TICRR: variants seen among roughly 807,000 people sequenced by gnomAD.
The protein encoded by TICRR is TOPBP1 interacting checkpoint and replication regulator.
A neutral mutation model predicts 178.1 loss-of-function variants in TICRR; 132 were observed. The ratio of observed to expected loss-of-function variants is 0.74; its 90% CI spans 0.64 to 0.86. The LOEUF (loss-of-function observed/expected upper bound fraction) is 0.86, where lower values mean the gene tolerates loss of function less well. Among genes scored for constraint, TICRR ranks in the 40% least tolerant of loss-of-function variants. The probability of loss-of-function intolerance (pLI) is 0.00; values close to 1 mark genes in which losing one functional copy is unlikely to be tolerated. For synonymous variants in TICRR, 991 were observed against 900.7 expected, an observed-to-expected ratio of 1.10 and a Z score of -1.79; for missense variants, 2,587 against 2,334.3, an observed-to-expected ratio of 1.11 and a Z score of -2.23.
intron 18 of TICRR, among the ~76,000 whole-genome samples, chr15:89,621,151 C>G (rs548842381): frequency 1.3e-5 from 2 of 152,134 alleles, no homozygotes; most frequent in African/African-American, 4.8e-5. Flanking sequence ...TCCTGAGTAG[C>G]TGGGATTACA....
intron 4 of TICRR, 97 bp from the exon 5 acceptor site, chr15:89,591,950 G>A: frequency 9.4e-7 from 1 of 1,065,806 alleles, no homozygotes; most frequent in Admixed American, 2.5e-5. Context: ...TCCTTTGGAG[G>A]GATGCAGTCA....
At chr15:89,626,631 A>G (rs1164540121) in intron 21 of TICRR, among the ~76,000 whole-genome samples, 1 of 152,178 alleles carries the variant, frequency 6.6e-6, no homozygotes, top group African/African-American at 2.4e-5. Flanking sequence ...AGTTCCCTCA[A>G]GACCATGATA....
Position 89,624,460 on chromosome 15 carries a change from C to T in TICRR, c.4150C>T (p.Arg1384Trp), listed in dbSNP as rs750897187. 3.5e-5 allele frequency: 57 copies of T among 1,614,016 alleles called. No homozygotes were observed. The highest frequency in any genetic ancestry group is 1.9e-4 in the South Asian group (17 of 91,080). ...PPPPPSKVGK[R>W]CRKTSDPRRS... is the part of the protein sequence containing the mutation. Reference sequence around the variant, plus strand: ...TCCACCCCCTTCTAAAGTTGGGAAACGGTGTAGAAAGACCTCTGATCCCAG... The same window carrying T: ...TCCACCCCCTTCTAAAGTTGGGAAATGGTGTAGAAAGACCTCTGATCCCAG... The change falls in exon 20 of 22, where the codon CGG becomes TGG. Residue 1384 changes from arginine (R) to tryptophan (W), a missense_variant. Arg to Trp is a moderately radical substitution (Grantham distance 101). Coordinates refer to ENST00000268138, the MANE Select transcript of TICRR (RefSeq NM_152259.4).
intron 2 of TICRR, among the ~76,000 whole-genome samples, chr15:89,583,295 A>T (rs1400015172): frequency 6.6e-6 from 1 of 152,246 alleles, no homozygotes; most frequent in East Asian, 1.9e-4. Flanking sequence ...GTAGATTGAT[A>T]AATTGAAGAC....
chr15:89,616,687 T>A (rs1474058470), intron 16 of TICRR, among the ~76,000 whole-genome samples, 192 bp downstream of exon 16: 3 of 152,242 alleles, frequency 2.0e-5, no homozygotes, highest in African/African-American at 7.2e-5. Context: ...CTGGCCTCAA[T>A]TATTTTGAGA....
chr15:89,605,557 C>T (rs1339040651), intron 13 of TICRR, among the ~76,000 whole-genome samples: 1 of 152,124 alleles, frequency 6.6e-6, no homozygotes, highest in Non-Finnish European at 1.5e-5. Flanking sequence ...GATGGAGTTT[C>T]ACCATGTTAG....
At position 89,609,534 on chromosome 15, in the gene TICRR, C is replaced by T. The variant is rs577785050; in HGVS notation, c.2869+585C>T. ...CTGTCTCCTGGGCTGGAGTGCAGTGCCGTGATCTTGGCTCACTGCAACCTC... is the reference window on the plus strand; with the variant it reads ...CTGTCTCCTGGGCTGGAGTGCAGTGTCGTGATCTTGGCTCACTGCAACCTC... On this transcript the variant is annotated intron_variant, in intron 15 of 21. Transcript: ENST00000268138. Among the ~76,000 whole-genome samples the T allele has an allele frequency of 2.0e-5, 3 of 151,954 alleles. No homozygotes were observed. In the East Asian group the frequency reaches 5.8e-4, roughly 29 times the overall value.
intron 15 of TICRR, among the ~76,000 whole-genome samples, chr15:89,615,206 A>G (rs952954002): frequency 6.6e-6 from 1 of 152,224 alleles, no homozygotes; most frequent in African/African-American, 2.4e-5. Flanking sequence ...TGTCAGGGAA[A>G]AAGGTGGTTT....
In TICRR at chr15:89,625,565, C is replaced by T; in HGVS notation, c.5255C>T (p.Pro1752Leu). ...TGCCAGCTCCCAGACCAGTCGCCTC[C>T]CAGGAACAGCATGCCTAAGGCCGAG... ...GVCQLPDQSP[P>L]RNSMPKAEEA... Residue 1752 changes from proline to leucine, a missense_variant, in exon 20 of 22, where the codon CCC becomes CTC. Physicochemically the swap from Pro to Leu is moderately conservative, Grantham distance 98. Transcript: ENST00000268138. The T allele has an allele frequency of 6.2e-7, 1 of 1,613,106 alleles. No homozygotes were observed.
intron 1 of TICRR, among the ~76,000 whole-genome samples, 163 bp from the exon 2 acceptor site, chr15:89,582,523 G>A (rs533666845): frequency 6.6e-6 from 1 of 152,234 alleles, no homozygotes; most frequent in South Asian, 2.1e-4. Flanking sequence ...CTGCACAGTA[G>A]CTTGATGCTG....
At chr15:89,596,638 C>A (rs775103366) in intron 7 of TICRR, among the ~76,000 whole-genome samples, 11 of 152,122 alleles carry the variant, frequency 7.2e-5, no homozygotes, top group Non-Finnish European at 1.5e-4. Flanking sequence ...TGAGCCACCG[C>A]GCCTGGCCTT....
Position 89,625,654 on chromosome 15 carries a change from G to T in TICRR, c.5344G>T (p.Glu1782Ter). The T allele has an allele frequency of 6.2e-7, 1 of 1,613,774 alleles. No individual in the cohort carries two copies. The highest frequency in any genetic ancestry group is 8.5e-7 in the Non-Finnish European group (1 of 1,180,038). The change falls in exon 20 of 22, where the codon GAA (glutamate) becomes TAA (stop). Residue 1782 changes from glutamate to a stop codon, truncating the protein, a stop_gained. Transcript: ENST00000268138. LOFTEE classifies it high-confidence loss of function. ...GAAGAGAGTCCTGTTGGCCAAGGAA[G>T]AAGCTGACCGTGGAGCCAAAAGGAT... is the stretch of plus-strand genomic sequence containing the variant. ...SRKRVLLAKE[E>*]ADRGAKRICD... is the part of the protein sequence containing the mutation.
chr15:89,621,866 G>A (rs755848970), intron 19 of TICRR, among the ~76,000 whole-genome samples: 11 of 151,668 alleles, frequency 7.3e-5, no homozygotes, highest in Middle Eastern at 3.4e-3. Context: ...CATCTTTTCC[G>A]TTTGATTGCC....
At chr15:89,580,451 T>A (rs1349072840) in intron 1 of TICRR, among the ~76,000 whole-genome samples, 4 of 152,214 alleles carry the variant, frequency 2.6e-5, no homozygotes, top group African/African-American at 7.2e-5. Context: ...CTAATCAGGA[T>A]CTATGGCGTC....
rs750325843 is a variant in TICRR at position 89,619,730 on chromosome 15, T to C, written c.3042T>C (p.Pro1014=). The change falls in exon 18 of 22, where the codon CCT becomes CCC. Residue 1014 remains proline (P), a synonymous_variant. Coordinates refer to ENST00000268138, the MANE Select transcript of TICRR (RefSeq NM_152259.4). ...CAGAAATAAGTCTGAGACGAAGTCC[T>C]CGAATCAAGCAGTTGTCATTTAGCA... The part of the protein sequence containing the change: ...KGDEISLRRS[P]RIKQLSFSRT... 1.2e-6 allele frequency: 2 copies of C among 1,612,744 alleles called. No individual in the cohort carries two copies. Among genetic ancestry groups the C allele is most frequent in the South Asian group, 2.2e-5 (2 of 90,564 alleles).
intron 12 of TICRR, 37 bp from the exon 13 acceptor site, chr15:89,602,759 C>G (rs1025287863): frequency 9.9e-7 from 1 of 1,012,438 alleles, no homozygotes; most frequent in South Asian, 3.2e-5. Context: ...TATATAACCT[C>G]TATCTAGTAT....
In TICRR at chr15:89,625,123, C is replaced by T. The variant is rs150284047; in HGVS notation, c.4813C>T (p.Leu1605Phe). Residue 1605 changes from leucine to phenylalanine, a missense_variant, in exon 20 of 22, where the codon CTC becomes TTC. Leu to Phe is a conservative substitution (Grantham distance 22). Coordinates refer to ENST00000268138, the MANE Select transcript of TICRR (RefSeq NM_152259.4). ...SLGEESFLPA[L>F]SMPRASRSLS... ...GGGAGAAGAGAGCTTCCTCCCTGCT[C>T]TCAGCATGCCCAGGGCCAGCAGGTC... 6.2e-7 allele frequency: 1 copy of T among 1,613,994 alleles called. No homozygotes were observed. Among genetic ancestry groups the T allele is most frequent in the Non-Finnish European group, 8.5e-7 (1 of 1,180,006 alleles).
intron 1 of TICRR, among the ~76,000 whole-genome samples, chr15:89,577,553 G>C (rs1463402784): frequency 1.3e-5 from 2 of 150,296 alleles, no homozygotes; most frequent in South Asian, 2.1e-4. Flanking sequence ...TGAGAGGATG[G>C]GAGTAGAAGG....
At chr15:89,609,382 G>A (rs575978047) in intron 15 of TICRR, among the ~76,000 whole-genome samples, 4 of 151,736 alleles carry the variant, frequency 2.6e-5, no homozygotes, top group African/African-American at 7.3e-5. Context: ...CACAGTTGCT[G>A]GGATTATAGG....
Sources: gnomAD v4.1 joint callset for allele counts (sites outside exome capture counted in the v4.1 genomes callset) on GRCh38, gnomAD v4.1.1 for gene constraint, MANE v1.5 for transcripts, NCBI Gene and HGNC (gene_info 2026-07-23, HGNC 2026-07-21) for gene names.